AVEN: variants seen among roughly 807,000 people sequenced by gnomAD.
AVEN encodes apoptosis and caspase activation inhibitor, also known as cell death regulator Aven.
AVEN carries 41 observed loss-of-function variants against 38.1 expected under a neutral mutation model. The observed-to-expected ratio is 1.08, with a 90% CI of 0.84 to 1.40. The LOEUF (loss-of-function observed/expected upper bound fraction) is 1.40. AVEN is among the 40% of genes most tolerant of loss of function. AVEN has a pLI of 0.00. For missense variants in AVEN, 605 were observed against 438.8 expected, an observed-to-expected ratio of 1.38 and a Z score of -3.38; for synonymous variants, 206 against 171.8, an observed-to-expected ratio of 1.20 and a Z score of -1.56.
rs1261051274 is a variant in AVEN, at chr15:34,050,042, C to T, written n.1637+12880G>A. ...AGCTGGGACTACAGGCACCTGCCAC[C>T]ATGCCTGGCTAATTTTTGTATTTTT... is the stretch of plus-strand genomic sequence containing the variant. On this transcript the variant is annotated intron_variant and non_coding_transcript_variant, in intron 5 of 11. Coordinates refer to the AVEN transcript ENST00000675287. Among the ~76,000 whole-genome samples, 4 of 152,104 alleles carry T rather than the reference C, an allele frequency of 2.6e-5. No individual in the cohort carries two copies. In the South Asian group the frequency reaches 6.2e-4, roughly 24 times the overall value.
At chr15:33,892,368 G>T (rs948005385) in intron 2 of AVEN, among the ~76,000 whole-genome samples, 35 of 152,284 alleles carry the variant, frequency 2.3e-4, no homozygotes, top group African/African-American at 7.5e-4. Flanking sequence ...AGGTCTAACA[G>T]TTAAGTCTTT....
chr15:33,891,419 TC>T (rs1028393979), intron 2 of AVEN, among the ~76,000 whole-genome samples: 7 of 152,078 alleles, frequency 4.6e-5, no homozygotes, highest in Non-Finnish European at 1.0e-4. Context: ...TGTATGATGT[TC>T]CCCTCCCTGT....
Position 33,867,831 on chromosome 15 carries a change from G to A in AVEN, c.637C>T (p.Gln213Ter), listed in dbSNP as rs1409061368. 3 of 1,598,476 alleles carry A rather than the reference G, an allele frequency of 1.9e-6. No individual in the cohort carries two copies. Among genetic ancestry groups the A allele is most frequent in the Non-Finnish European group, 2.6e-6 (3 of 1,175,226 alleles). Residue 213 changes from glutamine (Q) to a stop codon, truncating the protein, a stop_gained, in exon 5 of 6, where the codon CAG becomes TAG. Transcript: ENST00000306730. LOFTEE classifies it high-confidence loss of function. ...VQGTVPLEVP[Q>*]VKPKRTDDGK... ...TCATCAGTTCTCTTTGGTTTCACCT[G>A]AGGAACCTCTAAAGGAACTGTACCC...
At chr15:34,026,586 G>T (rs530398943) in intron 1 of AVEN, among the ~76,000 whole-genome samples, 6 of 151,910 alleles carry the variant, frequency 3.9e-5, no homozygotes, top group Admixed American at 3.3e-4. Flanking sequence ...TATAAATCAG[G>T]TACTCAAATT....
chr15:33,916,037 C>A (rs1404855454), intron 2 of AVEN, among the ~76,000 whole-genome samples: 1 of 152,148 alleles, frequency 6.6e-6, no homozygotes, highest in East Asian at 1.9e-4. Flanking sequence ...CACGGAGAGT[C>A]TGAGCTCAGA....
chr15:33,929,847 A>G (rs1893772245), intron 2 of AVEN, among the ~76,000 whole-genome samples: 1 of 152,234 alleles, frequency 6.6e-6, no homozygotes, highest in Non-Finnish European at 1.5e-5. Context: ...CATATTTAAG[A>G]AATGAAATTA....
At chr15:33,947,663 T>G (rs545576431) in intron 2 of AVEN, among the ~76,000 whole-genome samples, 1 of 152,306 alleles carries the variant, frequency 6.6e-6, no homozygotes, top group African/African-American at 2.4e-5. Context: ...ATAACATAAA[T>G]GCTATGTAAA....
chr15:33,935,250 G>A (rs1031895457), intron 2 of AVEN, among the ~76,000 whole-genome samples: 6 of 152,144 alleles, frequency 3.9e-5, no homozygotes, highest in Admixed American at 3.3e-4. Context: ...TGGAAAATTC[G>A]AGGCATCTCA....
chr15:33,961,680 G>A (rs1308115163), intron 2 of AVEN, among the ~76,000 whole-genome samples: 1 of 151,572 alleles, frequency 6.6e-6, no homozygotes, highest in Non-Finnish European at 1.5e-5. Context: ...GGGCGTGGTG[G>A]CGGGCACCTG....
chr15:33,897,927 C>A (rs561966021), intron 2 of AVEN, among the ~76,000 whole-genome samples: 1 of 151,102 alleles, frequency 6.6e-6, no homozygotes, highest in African/African-American at 2.4e-5. Context: ...TGGTAGCTCA[C>A]GCCTGTAATC....
At chr15:34,039,379 A>AT (rs11464486), upstream of AVEN, among the ~76,000 whole-genome samples, 24,608 of 149,142 alleles carry the variant, frequency 0.16, 2,482 homozygotes, top group Middle Eastern at 0.28. Flanking sequence ...AGGACGAGTC[A>AT]TAAAATAAAA....
intron 2 of AVEN, among the ~76,000 whole-genome samples, chr15:33,985,963 G>A (rs770741421): frequency 1.3e-5 from 2 of 152,126 alleles, no homozygotes; most frequent in Non-Finnish European, 1.5e-5. Context: ...ATATCTCTCT[G>A]ACAGATCTAA....
intron 2 of AVEN, among the ~76,000 whole-genome samples, chr15:34,002,005 A>G (rs1001790866): frequency 6.6e-6 from 1 of 152,220 alleles, no homozygotes; most frequent in Non-Finnish European, 1.5e-5. Flanking sequence ...TTAGCGACGT[A>G]ATTGCAGATT....
intron 2 of AVEN, among the ~76,000 whole-genome samples, chr15:33,878,998 T>C (rs1290380086): frequency 6.6e-6 from 1 of 152,104 alleles, no homozygotes; most frequent in Non-Finnish European, 1.5e-5. Flanking sequence ...CAAGATTCAG[T>C]AATGTAAAAA....
chr15:33,863,234 T>G (rs1341289287), downstream of AVEN, among the ~76,000 whole-genome samples: 1 of 152,196 alleles, frequency 6.6e-6, no homozygotes, highest in Non-Finnish European at 1.5e-5. Context: ...ATAAATGTGC[T>G]GGGCAAGGAA....
chr15:33,875,948 T>A lies in AVEN; in HGVS notation c.493A>T (p.Ser165Cys). ...FRFAEEKEWD[S>C]EASCPKQNSA... ...ACCTGTTTTGGACAAGAAGCTTCAC[T>A]ATCCCATTCTTTCTCCTCAGCAAAC... The change falls in exon 3 of 6, where the codon AGT becomes TGT. Residue 165 changes from serine to cysteine, a missense_variant. By Grantham distance (112) the Ser-to-Cys change is moderately radical. Coordinates refer to ENST00000306730, the MANE Select transcript of AVEN (RefSeq NM_020371.3). 1 of 1,613,732 alleles carries A rather than the reference T, an allele frequency of 6.2e-7. No individual in the cohort carries two copies. The highest frequency in any genetic ancestry group is 8.5e-7 in the Non-Finnish European group (1 of 1,179,958).
intron 2 of AVEN, among the ~76,000 whole-genome samples, chr15:33,876,530 C>G (rs577341385): frequency 6.6e-4 from 101 of 152,138 alleles, no homozygotes; most frequent in Non-Finnish European, 1.1e-3. Context: ...CAAGATCATG[C>G]CACTGCACTC....
At chr15:34,016,548 C>T (rs1176931152) in intron 1 of AVEN, among the ~76,000 whole-genome samples, 1 of 152,290 alleles carries the variant, frequency 6.6e-6, no homozygotes, top group East Asian at 1.9e-4. Context: ...ATATTTATCT[C>T]CTGGGCTACA....
intron 1 of AVEN, among the ~76,000 whole-genome samples, chr15:34,017,413 C>T (rs1897965139): frequency 6.6e-6 from 1 of 151,910 alleles, no homozygotes; most frequent in African/African-American, 2.4e-5. Flanking sequence ...TGTCCCTATC[C>T]CCACATAACT....
Sources: gnomAD v4.1 joint callset for allele counts (sites outside exome capture counted in the v4.1 genomes callset) on GRCh38, gnomAD v4.1.1 for gene constraint, MANE v1.5 for transcripts, NCBI Gene and HGNC (gene_info 2026-07-23, HGNC 2026-07-21) for gene names.